Variants in SOBP observed in about 807,000 individuals in gnomAD.
SOBP encodes sine oculis binding protein homolog.
A neutral mutation model predicts 53.6 loss-of-function variants in SOBP; 4 were observed. The ratio of observed to expected loss-of-function variants is 0.07; its 90% CI spans 0.04 to 0.17. SOBP has a LOEUF of 0.17. SOBP is among the 10% of genes least tolerant of loss of function. The probability of loss-of-function intolerance (pLI) is 1.00; values close to 1 mark genes in which losing one functional copy is unlikely to be tolerated. For missense variants in SOBP, 1,088 were observed against 1,204.7 expected, an observed-to-expected ratio of 0.90 and a Z score of 1.43; for synonymous variants, 584 against 522.6, an observed-to-expected ratio of 1.12 and a Z score of -1.60.
intron 4 of SOBP, among the ~76,000 whole-genome samples, chr6:107,561,415 A>G (rs541256737): frequency 1.1e-4 from 16 of 152,324 alleles, no homozygotes; most frequent in Non-Finnish European, 2.4e-4. Flanking sequence ...ATTATTTTCC[A>G]TAGCCTTTCA....
intron 5 of SOBP, among the ~76,000 whole-genome samples, chr6:107,587,387 C>T (rs1260135221): frequency 6.6e-6 from 1 of 152,116 alleles, no homozygotes; most frequent in African/African-American, 2.4e-5. Context: ...GCTTGAATGG[C>T]CCTGTCTTTA....
intron 1 of SOBP, among the ~76,000 whole-genome samples, chr6:107,493,115 G>A (rs187199851): frequency 1.2e-4 from 18 of 152,168 alleles, no homozygotes; most frequent in Admixed American, 4.6e-4. Flanking sequence ...TACTCCTCCA[G>A]CTCCCTGAAC....
intron 6 of SOBP, among the ~76,000 whole-genome samples, chr6:107,653,129 A>G (rs926438762): frequency 1.6e-4 from 25 of 152,310 alleles, no homozygotes; most frequent in South Asian, 6.2e-4. Context: ...AAATGAGAAC[A>G]ATTTCTATCC....
intron 3 of SOBP, among the ~76,000 whole-genome samples, chr6:107,516,529 C>T (rs1049803509): frequency 6.6e-5 from 10 of 150,788 alleles, no homozygotes; most frequent in East Asian, 1.9e-4. Flanking sequence ...ACTTCTGTAC[C>T]GGAAATTAAC....
chr6:107,588,751 G>A (rs1785650824), intron 5 of SOBP, among the ~76,000 whole-genome samples: 1 of 152,146 alleles, frequency 6.6e-6, no homozygotes, highest in African/African-American at 2.4e-5. Context: ...TGTGAACATC[G>A]TTTTTAGCTG....
intron 5 of SOBP, among the ~76,000 whole-genome samples, chr6:107,606,081 T>C (rs1377728142): frequency 6.2e-5 from 8 of 128,358 alleles, no homozygotes; most frequent in South Asian, 2.6e-4. Context: ...TTTTTTTTTT[T>C]TTTTTTTTTT....
chr6:107,535,637 G>GTGTT (rs1490854669), intron 4 of SOBP, among the ~76,000 whole-genome samples: 4 of 135,314 alleles, frequency 3.0e-5, no homozygotes, highest in African/African-American at 1.1e-4. Context: ...GTGTGTGTGT[G>GTGTT]TTTTTTTTTT....
intron 5 of SOBP, among the ~76,000 whole-genome samples, chr6:107,594,367 C>T (rs1785864968): frequency 6.6e-6 from 1 of 152,042 alleles, no homozygotes; most frequent in Non-Finnish European, 1.5e-5. Context: ...ACCAAATTTA[C>T]TAGCAATGGA....
At chr6:107,490,964 C>T (rs1223567763) in intron 1 of SOBP, among the ~76,000 whole-genome samples, 1 of 152,044 alleles carries the variant, frequency 6.6e-6, no homozygotes, top group Non-Finnish European at 1.5e-5. Context: ...CAGGTTGGCA[C>T]GGACGCGTTT....
At chr6:107,641,912 C>T (rs954610953) in intron 6 of SOBP, among the ~76,000 whole-genome samples, 2 of 152,176 alleles carry the variant, frequency 1.3e-5, no homozygotes, top group Non-Finnish European at 2.9e-5. Context: ...GCCAAAGGGA[C>T]GGGGGTGGCC....
At chr6:107,526,027 A>T (rs1783650465) in intron 3 of SOBP, among the ~76,000 whole-genome samples, 1 of 151,784 alleles carries the variant, frequency 6.6e-6, no homozygotes, top group Non-Finnish European at 1.5e-5. Flanking sequence ...GGCTCACTGC[A>T]ACCTCCACTT....
At chr6:107,499,369 G>A (rs1396219820) in intron 1 of SOBP, among the ~76,000 whole-genome samples, 1 of 152,186 alleles carries the variant, frequency 6.6e-6, no homozygotes, top group Non-Finnish European at 1.5e-5. Flanking sequence ...TAGGGTTATT[G>A]AAAGGATCAG....
intron 5 of SOBP, among the ~76,000 whole-genome samples, chr6:107,609,731 G>GGAGA (rs1284340040): frequency 6.6e-6 from 1 of 152,116 alleles, no homozygotes; most frequent in African/African-American, 2.4e-5. Context: ...ATTAGGAAGA[G>GGAGA]GAGAGAGGTT....
chr6:107,602,643 A>T (rs1211904519), intron 5 of SOBP, among the ~76,000 whole-genome samples: 1 of 151,806 alleles, frequency 6.6e-6, no homozygotes, highest in Non-Finnish European at 1.5e-5. Flanking sequence ...CAACACAAAG[A>T]GCAAATTTTA....
At chr6:107,582,418 C>T (rs4580909) in intron 4 of SOBP, among the ~76,000 whole-genome samples, 14,249 of 152,084 alleles carry the variant, frequency 0.094, 2,192 homozygotes, top group African/African-American at 0.32. Flanking sequence ...AGTAGAGAGG[C>T]AATTACTGTA....
intron 5 of SOBP, among the ~76,000 whole-genome samples, chr6:107,594,061 G>T (rs987797010): frequency 6.6e-6 from 1 of 152,168 alleles, no homozygotes; most frequent in African/African-American, 2.4e-5. Flanking sequence ...TTGTAGTGAA[G>T]AACTTGGACT....
chr6:107,638,360 G>C (rs952819338), intron 6 of SOBP, among the ~76,000 whole-genome samples: 2 of 152,146 alleles, frequency 1.3e-5, no homozygotes, highest in African/African-American at 2.4e-5. Flanking sequence ...ATAGCCACGC[G>C]CCACGATGCC....
At chr6:107,568,974 G>A (rs1478711632) in intron 4 of SOBP, among the ~76,000 whole-genome samples, 2 of 151,970 alleles carry the variant, frequency 1.3e-5, no homozygotes, top group Admixed American at 6.5e-5. Flanking sequence ...GTGATTGGAA[G>A]TGAGAAAGAA....
At chr6:107,654,992 G>T (rs1771971454) in intron 6 of SOBP, among the ~76,000 whole-genome samples, 1 of 152,090 alleles carries the variant, frequency 6.6e-6, no homozygotes, top group Non-Finnish European at 1.5e-5. Context: ...TCGAGGCTCT[G>T]GGGGAGGGTG....
Sources: gnomAD v4.1 joint callset for allele counts (sites outside exome capture counted in the v4.1 genomes callset) on GRCh38, gnomAD v4.1.1 for gene constraint, MANE v1.5 for transcripts, NCBI Gene and HGNC (gene_info 2026-07-23, HGNC 2026-07-21) for gene names.